Variants in VPS8 observed in about 807,000 individuals in gnomAD.
The protein encoded by VPS8 is VPS8 subunit of CORVET complex, also known as vacuolar protein sorting-associated protein 8 homolog.
In VPS8, 129 loss-of-function variants were observed where a neutral mutation model predicts 216.4. The ratio of observed to expected loss-of-function variants is 0.60; its 90% confidence interval spans 0.52 to 0.69. The LOEUF (loss-of-function observed/expected upper bound fraction) is 0.69, where lower values mean the gene tolerates loss of function less well. VPS8 is among the 30% of genes least tolerant of loss of function. VPS8 has a pLI of 0.00. For synonymous variants in VPS8, 571 were observed against 565.4 expected, an observed-to-expected ratio of 1.01 and a Z score of -0.14; for missense variants, 1,531 against 1,683.5, an observed-to-expected ratio of 0.91 and a Z score of 1.59.
intron 24 of VPS8, among the ~76,000 whole-genome samples, chr3:184,899,478 A>G (rs1734094560): frequency 6.6e-6 from 1 of 152,204 alleles, no homozygotes; most frequent in Non-Finnish European, 1.5e-5. Flanking sequence ...CCTCTAATTC[A>G]TAACCCTTCA....
chr3:184,971,934 G>A (rs1748486431), intron 40 of VPS8, among the ~76,000 whole-genome samples, 182 bp downstream of exon 40: 1 of 152,104 alleles, frequency 6.6e-6, no homozygotes, highest in Non-Finnish European at 1.5e-5. Flanking sequence ...AAATTAGCCG[G>A]GCGTGGTGGC....
At chr3:184,998,548 G>C (rs1362298753) in intron 44 of VPS8, among the ~76,000 whole-genome samples, 3 of 129,270 alleles carry the variant, frequency 2.3e-5, no homozygotes. Flanking sequence ...TAGCGAGAGA[G>C]AGAGAGAGAA....
intron 1 of VPS8, among the ~76,000 whole-genome samples, chr3:184,816,524 A>G (rs1716363439): frequency 6.6e-6 from 1 of 152,214 alleles, no homozygotes; most frequent in Non-Finnish European, 1.5e-5. Flanking sequence ...GTGAGCTACA[A>G]TTACCTAAAT....
chr3:185,003,622 A>G (rs1361262572), intron 45 of VPS8, among the ~76,000 whole-genome samples: 1 of 151,782 alleles, frequency 6.6e-6, no homozygotes, highest in Non-Finnish European at 1.5e-5. Context: ...TTTCTATTCC[A>G]CAAAACCGCC....
rs565869104 is a variant in VPS8, at chr3:184,894,688, C to G, written c.1782-15C>G. 63 of 1,568,624 alleles carry G rather than the reference C, an allele frequency of 4.0e-5. No homozygotes were observed. The East Asian group carries it at 1.2e-3, about 30-fold the overall frequency. On this transcript the variant is annotated splice_polypyrimidine_tract_variant and intron_variant, in intron 22 of 47. Transcript: ENST00000625842. ...CATGTTCCTAAAAGTTTTTCTCCCCCCCTTTCTGTTACAGGGATCTTTTAT... is the reference window on the plus strand; with the variant it reads ...CATGTTCCTAAAAGTTTTTCTCCCCGCCTTTCTGTTACAGGGATCTTTTAT...
chr3:184,915,472 C>T lies in VPS8; in HGVS notation c.2380C>T (p.Leu794=), dbSNP rs369647716. The change falls in exon 28 of 48, where the codon CTG becomes TTG. Residue 794 remains leucine (L), a splice_region_variant and synonymous_variant. Transcript: ENST00000625842. ...DTREFLNVLA[L]TFEDFKNDKQ... is the part of the protein sequence containing the mutation. ...AAGAGAATTTCTAAATGTATTGGCA[C>T]TGGTAAGAGACAGTATTATTTTAAG... The T allele has an allele frequency of 8.1e-6, 13 of 1,613,174 alleles. No homozygotes were observed. The highest frequency in any genetic ancestry group is 5.3e-5 in the African/African-American group (4 of 74,886).
intron 35 of VPS8, among the ~76,000 whole-genome samples, chr3:184,939,445 G>T (rs1027793879): frequency 3.3e-5 from 5 of 151,748 alleles, no homozygotes; most frequent in Non-Finnish European, 7.4e-5. Flanking sequence ...TTTTTGCATA[G>T]GTTTCCCAAG....
At chr3:185,049,815 C>T (rs187696055) in intron 47 of VPS8, among the ~76,000 whole-genome samples, 2 of 152,164 alleles carry the variant, frequency 1.3e-5, no homozygotes, top group Non-Finnish European at 2.9e-5. Flanking sequence ...TAGGCAGAAC[C>T]TACTAGGTTA....
intron 11 of VPS8, 146 bp downstream of exon 11, chr3:184,852,713 T>G: frequency 1.3e-6 from 1 of 771,652 alleles, no homozygotes; most frequent in Non-Finnish European, 2.0e-6. Flanking sequence ...AAGGCTTATA[T>G]TAATAGAACA....
intron 46 of VPS8, among the ~76,000 whole-genome samples, chr3:185,026,278 A>G (rs1757335232): frequency 6.6e-6 from 1 of 152,198 alleles, no homozygotes; most frequent in Non-Finnish European, 1.5e-5. Context: ...ATGATTTAAA[A>G]TACATGGGAG....
intron 15 of VPS8, among the ~76,000 whole-genome samples, chr3:184,860,468 TACACACAC>T (rs59791657): frequency 0.025 from 3,738 of 147,274 alleles, 153 homozygotes; most frequent in African/African-American, 0.087. Flanking sequence ...TACACACACA[TACACACAC>T]ACACACACAC....
At chr3:185,031,063 GTT>G (rs765510619) in intron 46 of VPS8, among the ~76,000 whole-genome samples, 810 of 64,262 alleles carry the variant, frequency 0.013, 8 homozygotes, top group African/African-American at 0.054. Flanking sequence ...ACAGGTTGGC[GTT>G]TTTTTTTTTT....
chr3:185,046,049 C>G (rs1712829198), intron 46 of VPS8, among the ~76,000 whole-genome samples: 1 of 152,208 alleles, frequency 6.6e-6, no homozygotes, highest in Non-Finnish European at 1.5e-5. Context: ...TAATTTTTAG[C>G]TCTTAACACT....
intron 35 of VPS8, among the ~76,000 whole-genome samples, chr3:184,938,647 TTC>T (rs1170697175): frequency 2.1e-5 from 3 of 141,784 alleles, no homozygotes; most frequent in Admixed American, 1.3e-4. Flanking sequence ...TTTTCTTTTT[TTC>T]TTTTTTTTTT....
chr3:184,948,371 G>A (rs1251444672), intron 36 of VPS8, among the ~76,000 whole-genome samples: 2 of 152,058 alleles, frequency 1.3e-5, no homozygotes, highest in African/African-American at 4.8e-5. Context: ...TGAAAAATTA[G>A]CCAGGCATGG....
chr3:184,843,340 G>A lies in VPS8; in HGVS notation c.541+95G>A, dbSNP rs559733390. On this transcript the variant is annotated intron_variant, in intron 8 of 47. Transcript: ENST00000625842. ...CCAATTATAGTCAATGTCCTCTTAC[G>A]AAATGCTTATTGAAAAAAACCCAGC... The A allele has an allele frequency of 1.9e-4, 183 of 940,720 alleles. 1 individual carries two copies. In the Admixed American group the frequency reaches 2.0e-3, roughly 10 times the overall value. 58.3% of individuals were successfully genotyped at this position (940,720 alleles called of 1,614,324 possible). A position where few individuals can be genotyped will look rare whatever the true frequency, so the allele number is the denominator to read the frequency against.
chr3:184,910,933 A>AT (rs1736404621), intron 25 of VPS8, among the ~76,000 whole-genome samples: 1 of 152,006 alleles, frequency 6.6e-6, no homozygotes, highest in Non-Finnish European at 1.5e-5. Flanking sequence ...AGGTTTTATA[A>AT]TTTTTTACTG....
chr3:184,822,113 C>T (rs1210406031), intron 1 of VPS8, among the ~76,000 whole-genome samples: 2 of 152,006 alleles, frequency 1.3e-5, no homozygotes, highest in Non-Finnish European at 2.9e-5. Flanking sequence ...CAGATAGGAA[C>T]TCATAAAGTC....
chr3:184,820,071 C>G (rs1188977340), intron 1 of VPS8, among the ~76,000 whole-genome samples: 4 of 152,090 alleles, frequency 2.6e-5, no homozygotes, highest in South Asian at 4.1e-4. Context: ...GTAAGTGGAC[C>G]CTTGAAGTTC....
Sources: allele counts gnomAD v4.1 joint callset (sites outside exome capture counted in the v4.1 genomes callset), GRCh38; gene constraint gnomAD v4.1.1; transcripts MANE v1.5; gene names NCBI Gene and HGNC (gene_info 2026-07-23, HGNC 2026-07-21).